Variants in CSMD3 observed in about 807,000 individuals in gnomAD.
CSMD3 encodes the protein CUB and sushi domain-containing protein 3.
Under a neutral mutation model 435.2 loss-of-function variants are expected in CSMD3, and 177 were observed. That is an observed-to-expected ratio of 0.41 (90% CI 0.36 to 0.46). The LOEUF (loss-of-function observed/expected upper bound fraction) is 0.46, where lower values mean the gene tolerates loss of function less well. CSMD3 is among the 20% of genes least tolerant of loss of function. The probability of loss-of-function intolerance (pLI) is 0.34; values close to 1 mark genes in which losing one functional copy is unlikely to be tolerated. For synonymous variants in CSMD3, 1,656 were observed against 1,520.5 expected (o/e 1.09, Z -2.07); for missense variants, 4,265 against 4,504.6 (o/e 0.95, Z 1.52).
intron 22 of CSMD3, among the ~76,000 whole-genome samples, chr8:112,591,178 T>A (rs1831158844): frequency 6.6e-6 from 1 of 152,136 alleles, no homozygotes; most frequent in Non-Finnish European, 1.5e-5. Flanking sequence ...CAAGTCCTAT[T>A]CATATAAAAT....
intron 41 of CSMD3, among the ~76,000 whole-genome samples, chr8:112,342,271 T>C (rs1825197050): frequency 6.6e-6 from 1 of 152,122 alleles, no homozygotes; most frequent in South Asian, 2.1e-4. Context: ...TGATCATTGT[T>C]ATATGTGGTC....
intron 25 of CSMD3, among the ~76,000 whole-genome samples, chr8:112,553,451 A>G (rs2131206777): frequency 6.6e-6 from 1 of 152,190 alleles, no homozygotes; most frequent in African/African-American, 2.4e-5. Flanking sequence ...GAGTCTCTGT[A>G]CTGGAAAAGA....
chr8:112,451,101 G>A (rs1816214387), intron 32 of CSMD3, among the ~76,000 whole-genome samples: 1 of 151,992 alleles, frequency 6.6e-6, no homozygotes, highest in African/African-American at 2.4e-5. Context: ...ATATTTGATA[G>A]CAAACAAAAA....
chr8:112,651,342 T>C (rs1174613795), intron 18 of CSMD3, among the ~76,000 whole-genome samples: 6 of 152,174 alleles, frequency 3.9e-5, no homozygotes, highest in Admixed American at 3.3e-4. Context: ...AACAAAATGG[T>C]ACAAAATAGA....
chr8:113,304,722 C>A (rs2093803531), intron 2 of CSMD3, among the ~76,000 whole-genome samples: 1 of 128,066 alleles, frequency 7.8e-6, no homozygotes, highest in African/African-American at 3.0e-5. Context: ...TATGAGATCA[C>A]ATGGACACAG....
chr8:112,595,008 G>C (rs1563746166), intron 22 of CSMD3, among the ~76,000 whole-genome samples: 1 of 152,200 alleles, frequency 6.6e-6, no homozygotes, highest in South Asian at 2.1e-4. Context: ...GAACAAAGCT[G>C]AATGGAGAAT....
At chr8:112,541,014 A>T (rs1390658556) in intron 27 of CSMD3, among the ~76,000 whole-genome samples, 1 of 152,058 alleles carries the variant, frequency 6.6e-6, no homozygotes, top group Non-Finnish European at 1.5e-5. Flanking sequence ...GCGTGTATCA[A>T]AATATCCCTT....
At chr8:112,340,415 C>T (rs1390815685) in intron 42 of CSMD3, among the ~76,000 whole-genome samples, 2 of 152,054 alleles carry the variant, frequency 1.3e-5, no homozygotes, top group African/African-American at 4.8e-5. Flanking sequence ...ATGTTTAAGA[C>T]CTATCTCTAT....
rs960283619 is a variant in CSMD3, at chr8:112,429,709, C to T, written c.5396-20677G>A. Among the ~76,000 whole-genome samples the T allele has an allele frequency of 3.9e-5, 6 of 151,972 alleles. No individual in the cohort carries two copies. In the South Asian group the frequency reaches 1.0e-3, roughly 26 times the overall value. On this transcript the variant is annotated intron_variant, in intron 32 of 70. Coordinates refer to ENST00000297405, the MANE Select transcript of CSMD3 (RefSeq NM_198123.2). ...CTGTGTGACACATAGCCTAAAGTCA[C>T]ATTGAACTTTACTAATATGCAGACA...
At chr8:113,154,645 G>C (rs957727536) in intron 4 of CSMD3, among the ~76,000 whole-genome samples, 1 of 151,930 alleles carries the variant, frequency 6.6e-6, no homozygotes, top group African/African-American at 2.4e-5. Flanking sequence ...AACATATTGC[G>C]CAGTTGCTGC....
At chr8:113,288,462 A>T (rs998869941) in intron 2 of CSMD3, among the ~76,000 whole-genome samples, 2 of 151,798 alleles carry the variant, frequency 1.3e-5, no homozygotes, top group African/African-American at 2.4e-5. Context: ...CAACCTTTCC[A>T]ATTTGTTCTC....
chr8:112,978,010 T>C (rs1009785455), intron 6 of CSMD3, among the ~76,000 whole-genome samples: 1 of 152,054 alleles, frequency 6.6e-6, no homozygotes, highest in African/African-American at 2.4e-5. Flanking sequence ...GATGAGCTCA[T>C]GTGCTCATTA....
chr8:112,832,156 T>C (rs1216707148), intron 11 of CSMD3, among the ~76,000 whole-genome samples: 1 of 152,150 alleles, frequency 6.6e-6, no homozygotes, highest in African/African-American at 2.4e-5. Context: ...CTTCATATCT[T>C]TTATCTTTTG....
intron 13 of CSMD3, among the ~76,000 whole-genome samples, chr8:112,736,407 T>C (rs2077186478): frequency 6.6e-6 from 1 of 152,024 alleles, no homozygotes. Context: ...CAGAACACAA[T>C]GGGTTCCTGT....
chr8:113,091,964 T>C (rs374474678), intron 5 of CSMD3, among the ~76,000 whole-genome samples: 7 of 152,112 alleles, frequency 4.6e-5, no homozygotes, highest in African/African-American at 1.7e-4. Context: ...ATAGGTTTTG[T>C]ATACCCATAT....
chr8:113,225,685 T>C (rs1188696396), intron 3 of CSMD3, among the ~76,000 whole-genome samples: 1 of 151,534 alleles, frequency 6.6e-6, no homozygotes, highest in Non-Finnish European at 1.5e-5. Context: ...ACAGTTGGTA[T>C]GAATGTCAGA....
At chr8:112,532,924 G>C (rs1443760923) in intron 27 of CSMD3, among the ~76,000 whole-genome samples, 1 of 152,050 alleles carries the variant, frequency 6.6e-6, no homozygotes, top group African/African-American at 2.4e-5. Flanking sequence ...AAAGATATAA[G>C]TTGATACAAC....
At chr8:112,655,407 C>T (rs962835449) in intron 18 of CSMD3, among the ~76,000 whole-genome samples, 1 of 151,886 alleles carries the variant, frequency 6.6e-6, no homozygotes, top group African/African-American at 2.4e-5. Context: ...TGAAAATGTA[C>T]ACATATGTAA....
At chr8:112,346,018 C>A (rs1825635704) in intron 41 of CSMD3, 79 bp downstream of exon 41, 1 of 861,554 alleles carries the variant, frequency 1.2e-6, no homozygotes, top group South Asian at 1.3e-5. Flanking sequence ...TTTATAAATT[C>A]TTATTCGACA....
Sources: allele counts gnomAD v4.1 joint callset (sites outside exome capture counted in the v4.1 genomes callset), GRCh38; gene constraint gnomAD v4.1.1; transcripts MANE v1.5; gene names NCBI Gene and HGNC (gene_info 2026-07-23, HGNC 2026-07-21).